Variants in SDK1 observed in about 807,000 individuals in gnomAD.
The protein encoded by SDK1 is sidekick cell adhesion molecule 1.
In SDK1, 157 loss-of-function variants were observed where a neutral mutation model predicts 245.5. The observed-to-expected ratio is 0.64, with a 90% CI of 0.56 to 0.73. SDK1 has a LOEUF of 0.73. Ranked by LOEUF, SDK1 falls within the 30% of genes least tolerant of loss-of-function variation. SDK1 has a pLI of 0.00. For synonymous variants in SDK1, 1,647 were observed against 1,278.5 expected (o/e 1.29, Z -6.15); for missense variants, 3,583 against 3,002.3 (o/e 1.19, Z -4.52).
At chr7:3,453,088 G>C (rs1051961720) in intron 1 of SDK1, among the ~76,000 whole-genome samples, 2 of 151,964 alleles carry the variant, frequency 1.3e-5, no homozygotes, top group Non-Finnish European at 2.9e-5. Context: ...AGCACCATTG[G>C]TACCCATCCT....
At chr7:4,137,351 A>G (rs1186518498) in intron 28 of SDK1, among the ~76,000 whole-genome samples, 1 of 152,214 alleles carries the variant, frequency 6.6e-6, no homozygotes, top group Non-Finnish European at 1.5e-5. Flanking sequence ...TGCTCTGTGT[A>G]TAGCTGTGCG....
intron 1 of SDK1, among the ~76,000 whole-genome samples, chr7:3,411,829 G>A (rs1049790225): frequency 6.6e-6 from 1 of 152,074 alleles, no homozygotes; most frequent in Non-Finnish European, 1.5e-5. Flanking sequence ...GTCTGTGAGG[G>A]CTTGATGGGG....
chr7:3,486,446 C>G (rs911816571), intron 1 of SDK1, among the ~76,000 whole-genome samples: 1 of 151,744 alleles, frequency 6.6e-6, no homozygotes, highest in Non-Finnish European at 1.5e-5. Flanking sequence ...TTCTACTTTC[C>G]TGTTTGGTTT....
intron 16 of SDK1, among the ~76,000 whole-genome samples, chr7:4,013,453 C>T (rs916270718): frequency 3.3e-5 from 5 of 152,204 alleles, no homozygotes; most frequent in East Asian, 1.9e-4. Context: ...TTCCTGGGCT[C>T]GTTCCAAGTG....
intron 2 of SDK1, among the ~76,000 whole-genome samples, chr7:3,628,903 A>T (rs770099803): frequency 3.9e-5 from 6 of 152,032 alleles, no homozygotes; most frequent in Non-Finnish European, 7.4e-5. Context: ...GAGAAGGAAA[A>T]CCCAGGCAGA....
intron 1 of SDK1, among the ~76,000 whole-genome samples, chr7:3,551,147 C>T (rs570270682): frequency 6.6e-5 from 10 of 152,066 alleles, no homozygotes; most frequent in East Asian, 1.9e-4. Flanking sequence ...TTATTGTAAC[C>T]GTAGTTTGTC....
chr7:3,380,972 A>G (rs1781473440), intron 1 of SDK1, among the ~76,000 whole-genome samples: 2 of 152,216 alleles, frequency 1.3e-5, no homozygotes, highest in South Asian at 2.1e-4. Flanking sequence ...ACTGGAGCAC[A>G]TTGCTGTTCA....
chr7:3,677,177 C>G (rs1036088095), intron 4 of SDK1, among the ~76,000 whole-genome samples: 1 of 152,078 alleles, frequency 6.6e-6, no homozygotes, highest in South Asian at 2.1e-4. Context: ...CACAGGGATT[C>G]TGCTCTGTGT....
chr7:3,383,942 T>C (rs1173970322), intron 1 of SDK1, among the ~76,000 whole-genome samples: 1 of 152,202 alleles, frequency 6.6e-6, no homozygotes, highest in African/African-American at 2.4e-5. Context: ...TTCTTACATT[T>C]CAGAATATAA....
At chr7:3,505,408 C>A (rs963266893) in intron 1 of SDK1, among the ~76,000 whole-genome samples, 4 of 152,072 alleles carry the variant, frequency 2.6e-5, no homozygotes, top group African/African-American at 9.7e-5. Context: ...CATGCCACAT[C>A]TGGCCAGTTT....
At chr7:4,012,549 C>G (rs1210760232) in intron 16 of SDK1, among the ~76,000 whole-genome samples, 8 of 25,986 alleles carry the variant, frequency 3.1e-4, no homozygotes, top group African/African-American at 6.9e-4. Flanking sequence ...CAATGTGAAG[C>G]TTTTTTTTTT....
chr7:3,914,700 A>T (rs537305398), intron 5 of SDK1, among the ~76,000 whole-genome samples: 1 of 152,194 alleles, frequency 6.6e-6, no homozygotes, highest in Middle Eastern at 3.4e-3. Flanking sequence ...CCACGGTGAC[A>T]TGGGCTGGGA....
Position 4,051,849 on chromosome 7 carries a change from G to T in SDK1, c.2911+19G>T. 6.3e-7 allele frequency: 1 copy of T among 1,596,764 alleles called. No homozygotes were observed. The highest frequency in any genetic ancestry group is 1.3e-5 in the African/African-American group (1 of 74,466). On this transcript the variant is annotated intron_variant, in intron 19 of 44. Transcript: ENST00000404826. ...GAAGACAGTGAGTATTCCTTTCTGC[G>T]TGTCTCTTAAGTCACTTGTCAAAGA... is the stretch of plus-strand genomic sequence containing the variant.
intron 5 of SDK1, among the ~76,000 whole-genome samples, chr7:3,913,467 G>C (rs1463337909): frequency 6.6e-6 from 1 of 151,934 alleles, no homozygotes; most frequent in Non-Finnish European, 1.5e-5. Context: ...CTAATTTTTT[G>C]TATTTTTGGT....
intron 4 of SDK1, among the ~76,000 whole-genome samples, chr7:3,800,793 A>G (rs1299874901): frequency 6.6e-6 from 1 of 152,190 alleles, no homozygotes; most frequent in Non-Finnish European, 1.5e-5. Flanking sequence ...TCAGAAGACC[A>G]AAGTCCTTCA....
chr7:3,526,807 A>G (rs60867986), intron 1 of SDK1, among the ~76,000 whole-genome samples: 37,363 of 152,042 alleles, frequency 0.25, 4,829 homozygotes, highest in East Asian at 0.33. Flanking sequence ...TGATGCATAT[A>G]CAAACCACTA....
intron 1 of SDK1, among the ~76,000 whole-genome samples, chr7:3,434,002 A>G (rs1446479289): frequency 6.6e-6 from 1 of 152,244 alleles, no homozygotes; most frequent in African/African-American, 2.4e-5. Context: ...AAGAATTTTC[A>G]TCCCACAGAT....
rs141563144 is a variant in SDK1, at chr7:4,267,710, C to T, written c.*2326C>T. The stretch of plus-strand genomic sequence containing the variant: ...AGATTCGAGATATGTTTGTTGCTCT[C>T]GGGTTTTCGATACAACATCATGACA... On this transcript the variant is annotated 3_prime_UTR_variant, in exon 45 of 45. Transcript: ENST00000404826. 7.7e-5 allele frequency: 76 copies of T among 985,478 alleles called. No individual in the cohort carries two copies. In the African/African-American group the frequency reaches 1.1e-3, roughly 14 times the overall value. 61.0% of individuals were successfully genotyped at this position (985,478 alleles called of 1,614,324 possible). A position where few individuals can be genotyped will look rare whatever the true frequency, so the allele number is the denominator to read the frequency against.
intron 30 of SDK1, among the ~76,000 whole-genome samples, chr7:4,151,145 C>T (rs1239768231): frequency 6.6e-6 from 1 of 152,216 alleles, no homozygotes; most frequent in Non-Finnish European, 1.5e-5. Context: ...TGACCAGAGT[C>T]CCTGAGCAGT....
Sources: gnomAD v4.1 joint callset for allele counts (sites outside exome capture counted in the v4.1 genomes callset) on GRCh38, gnomAD v4.1.1 for gene constraint, MANE v1.5 for transcripts, NCBI Gene and HGNC (gene_info 2026-07-23, HGNC 2026-07-21) for gene names.